The following FAM184A variants were observed in gnomAD, a reference collection of about 807,000 sequenced individuals.
FAM184A encodes the protein family with sequence similarity 184 member A.
FAM184A carries 99 observed loss-of-function variants against 143.8 expected under a neutral mutation model. The observed-to-expected ratio is 0.69, with a 90% CI of 0.58 to 0.81. The LOEUF is 0.81. FAM184A is among the 40% of genes least tolerant of loss of function. The probability of loss-of-function intolerance (pLI) is 0.00; values close to 1 mark genes in which losing one functional copy is unlikely to be tolerated. For missense variants in FAM184A, 1,217 were observed against 1,310.5 expected (o/e 0.93, Z 1.10); for synonymous variants, 427 against 446.4 (o/e 0.96, Z 0.55).
chr6:119,039,450 A>C (rs1562484771), intron 1 of FAM184A, among the ~76,000 whole-genome samples: 2 of 152,262 alleles, frequency 1.3e-5, no homozygotes, highest in Non-Finnish European at 2.9e-5. Context: ...GATAAAAAGA[A>C]ATGAACGATC....
intron 1 of FAM184A, among the ~76,000 whole-genome samples, chr6:119,054,682 G>C (rs904234390): frequency 6.6e-6 from 1 of 152,100 alleles, no homozygotes; most frequent in African/African-American, 2.4e-5. Context: ...ATTTTTATTT[G>C]ATATGTATGC....
At chr6:118,978,308 GACTAA>G (rs1229417650) in intron 11 of FAM184A, among the ~76,000 whole-genome samples, 1 of 152,186 alleles carries the variant, frequency 6.6e-6, no homozygotes, top group East Asian at 1.9e-4. Context: ...TGTTTCAATG[GACTAA>G]ACAACAATAG....
At chr6:119,102,635 A>T (rs984349747) in intron 1 of FAM184A, among the ~76,000 whole-genome samples, 1 of 151,772 alleles carries the variant, frequency 6.6e-6, no homozygotes. Flanking sequence ...TAAAAAATAC[A>T]TAATATTAGC....
chr6:119,060,881 C>T (rs970842867), intron 1 of FAM184A, among the ~76,000 whole-genome samples: 1 of 152,100 alleles, frequency 6.6e-6, no homozygotes, highest in African/African-American at 2.4e-5. Context: ...AAGCAGAAGC[C>T]GATGTGCTTC....
intron 7 of FAM184A, among the ~76,000 whole-genome samples, chr6:119,004,203 G>T (rs1165656938): frequency 6.6e-6 from 1 of 152,182 alleles, no homozygotes; most frequent in East Asian, 1.9e-4. Context: ...TGGAGCCTGG[G>T]GATAGAGGTG....
At chr6:118,962,179 G>C in intron 16 of FAM184A, 1 of 558,454 alleles carries the variant, frequency 1.8e-6, no homozygotes, top group East Asian at 3.1e-5. Context: ...TGCTACCAGG[G>C]CAGAAAGAAT....
chr6:119,094,964 C>G (rs1199540480), intron 1 of FAM184A, among the ~76,000 whole-genome samples: 3 of 152,172 alleles, frequency 2.0e-5, no homozygotes, highest in Admixed American at 2.0e-4. Flanking sequence ...TGGGCTTGCC[C>G]TGTACACTTA....
At chr6:119,147,737 G>A (rs1056627923) in intron 1 of FAM184A, among the ~76,000 whole-genome samples, 9 of 152,066 alleles carry the variant, frequency 5.9e-5, no homozygotes, top group African/African-American at 1.7e-4. Context: ...GATTAATAAC[G>A]GACAGCTTCC....
At chr6:119,134,469 TAG>T (rs1789610256) in intron 1 of FAM184A, among the ~76,000 whole-genome samples, 1 of 151,940 alleles carries the variant, frequency 6.6e-6, no homozygotes. Context: ...CTGAGCAATG[TAG>T]AGAGACCCTA....
chr6:119,050,811 C>CA (rs1239635141), intron 1 of FAM184A, among the ~76,000 whole-genome samples: 7,398 of 74,668 alleles, frequency 0.099, 269 homozygotes, highest in East Asian at 0.29. Flanking sequence ...GACTCCGTCT[C>CA]AAAAAAAAAA....
chr6:119,079,381 T>G (rs1787995999), upstream of FAM184A, among the ~76,000 whole-genome samples: 2 of 151,724 alleles, frequency 1.3e-5, no homozygotes, highest in Admixed American at 1.3e-4. Context: ...AGGATCGGAG[T>G]GAAAGTAATG....
intron 1 of FAM184A, among the ~76,000 whole-genome samples, chr6:119,064,987 TA>T (rs1388019353): frequency 2.0e-5 from 3 of 152,216 alleles, no homozygotes; most frequent in Admixed American, 6.5e-5. Context: ...TGTTTCTACC[TA>T]GATGTACATG....
At chr6:118,964,854 T>G (rs1291299780) in intron 15 of FAM184A, 83 bp from the exon 16 acceptor site, 1 of 668,706 alleles carries the variant, frequency 1.5e-6, no homozygotes, top group Non-Finnish European at 2.5e-6. Flanking sequence ...CCATTTCATT[T>G]AAAATTTACT....
intron 1 of FAM184A, among the ~76,000 whole-genome samples, chr6:119,117,009 G>T (rs914374249): frequency 2.6e-5 from 4 of 152,236 alleles, no homozygotes; most frequent in African/African-American, 9.6e-5. Flanking sequence ...AGACAGGATA[G>T]TATCTGCATT....
upstream of FAM184A, among the ~76,000 whole-genome samples, chr6:119,081,317 G>C (rs1788059046): frequency 6.6e-6 from 1 of 152,170 alleles, no homozygotes; most frequent in African/African-American, 2.4e-5. Flanking sequence ...AACAGGAAAA[G>C]TTCCCTTGTC....
intron 1 of FAM184A, chr6:119,025,472 G>A (rs766664209): frequency 1.9e-6 from 1 of 518,794 alleles, no homozygotes; most frequent in Non-Finnish European, 3.8e-6. Context: ...TTTACTCTTT[G>A]GCTAATTTTC....
chr6:119,114,722 T>C (rs1030168051), intron 1 of FAM184A, among the ~76,000 whole-genome samples: 1 of 152,048 alleles, frequency 6.6e-6, no homozygotes, highest in Non-Finnish European at 1.5e-5. Context: ...TTGTATTTTA[T>C]GTAGATATGG....
chr6:119,126,710 G>A (rs187634071), intron 1 of FAM184A, among the ~76,000 whole-genome samples: 1 of 152,284 alleles, frequency 6.6e-6, no homozygotes, highest in African/African-American at 2.4e-5. Context: ...GCCTTTTTGT[G>A]CGGGCAGAGG....
intron 1 of FAM184A, among the ~76,000 whole-genome samples, chr6:119,027,640 G>T (rs570347565): frequency 3.1e-4 from 47 of 152,262 alleles, no homozygotes; most frequent in African/African-American, 1.1e-3. Context: ...CGAAAAGGTA[G>T]CAGAACAATA....
Sources: allele counts gnomAD v4.1 joint callset (sites outside exome capture counted in the v4.1 genomes callset), GRCh38; gene constraint gnomAD v4.1.1; transcripts MANE v1.5; gene names NCBI Gene and HGNC (gene_info 2026-07-23, HGNC 2026-07-21).